Variants in C7orf78 observed in about 807,000 individuals in gnomAD.
C7orf78 encodes the protein chromosome 7 open reading frame 78.
At chr7:12,507,981 T>A in the C7orf78 span, among the ~76,000 whole-genome samples, 1 of 152,188 alleles carries the variant, frequency 6.6e-6, no homozygotes. Context: ...AAGTACTCAC[T>A]CTCTTCTTTT....
At chr7:12,517,094 C>T in the C7orf78 span, among the ~76,000 whole-genome samples, 11 of 152,012 alleles carry the variant, frequency 7.2e-5, no homozygotes, top group African/African-American at 2.7e-4. Context: ...ACCCAAATCT[C>T]ATCTTGAATT....
At chr7:12,538,037 C>A in the C7orf78 span, among the ~76,000 whole-genome samples, 1 of 152,288 alleles carries the variant, frequency 6.6e-6, no homozygotes, top group African/African-American at 2.4e-5. Flanking sequence ...CAATAACCTT[C>A]TGGGTCCCAG....
At chr7:12,489,187 AC>A in the C7orf78 span, among the ~76,000 whole-genome samples, 1 of 152,008 alleles carries the variant, frequency 6.6e-6, no homozygotes, top group African/African-American at 2.4e-5. Flanking sequence ...GAAAAAGATT[AC>A]CCCAATAGTC....
the C7orf78 span, among the ~76,000 whole-genome samples, chr7:12,512,809 A>G: frequency 6.6e-6 from 1 of 151,962 alleles, no homozygotes; most frequent in South Asian, 2.1e-4. Context: ...CAGTCTTTGT[A>G]TTTTCTTTGC....
At chr7:12,497,893 G>C in the C7orf78 span, among the ~76,000 whole-genome samples, 2 of 150,522 alleles carry the variant, frequency 1.3e-5, no homozygotes, top group African/African-American at 4.9e-5. Context: ...ATCTGAGAAC[G>C]GGCAGACTGC....
the C7orf78 span, among the ~76,000 whole-genome samples, chr7:12,521,099 T>C: frequency 6.6e-6 from 1 of 152,146 alleles, no homozygotes; most frequent in African/African-American, 2.4e-5. Context: ...TTTCAGTCTA[T>C]GTGTGTCTTT....
the C7orf78 span, among the ~76,000 whole-genome samples, chr7:12,539,851 T>A: frequency 6.6e-6 from 1 of 152,296 alleles, no homozygotes; most frequent in South Asian, 2.1e-4. Flanking sequence ...GAGGCAAGGA[T>A]GCAATCATGA....
At chr7:12,537,747 A>G in the C7orf78 span, among the ~76,000 whole-genome samples, 1 of 152,196 alleles carries the variant, frequency 6.6e-6, no homozygotes, top group Non-Finnish European at 1.5e-5. Context: ...AATAAATAAT[A>G]GAATGTATAC....
the C7orf78 span, among the ~76,000 whole-genome samples, chr7:12,534,796 T>G: frequency 6.6e-6 from 1 of 151,960 alleles, no homozygotes; most frequent in Admixed American, 6.6e-5. Context: ...CTACAAAACA[T>G]TTAAAAAATT....
At chr7:12,494,762 C>T in the C7orf78 span, among the ~76,000 whole-genome samples, 8 of 152,250 alleles carry the variant, frequency 5.3e-5, no homozygotes, top group Admixed American at 3.3e-4. Context: ...TGAGAGCTCA[C>T]CTTTGGCTGC....
the C7orf78 span, chr7:12,531,019 A>G: frequency 2.5e-6 from 1 of 398,470 alleles, no homozygotes; most frequent in Non-Finnish European, 4.4e-6. Context: ...TCAGAGACAT[A>G]GAAGGCAGCG....
chr7:12,514,538 T>G, the C7orf78 span, among the ~76,000 whole-genome samples: 2 of 152,144 alleles, frequency 1.3e-5, no homozygotes, highest in African/African-American at 4.8e-5. Flanking sequence ...TCATTTACTT[T>G]CAAGGTTATT....
the C7orf78 span, among the ~76,000 whole-genome samples, chr7:12,511,310 G>C: frequency 6.6e-6 from 1 of 152,098 alleles, no homozygotes; most frequent in African/African-American, 2.4e-5. Context: ...TTTGAAGATA[G>C]GTAGTGTGAT....
the C7orf78 span, among the ~76,000 whole-genome samples, chr7:12,495,954 C>G: frequency 6.6e-6 from 1 of 150,816 alleles, no homozygotes; most frequent in Non-Finnish European, 1.5e-5. Flanking sequence ...GAGACGGAGT[C>G]TCACTCTTTC....
chr7:12,507,769 T>G, the C7orf78 span, among the ~76,000 whole-genome samples: 1 of 152,228 alleles, frequency 6.6e-6, no homozygotes, highest in Non-Finnish European at 1.5e-5. Flanking sequence ...GTATTTTTAA[T>G]TAGTGCATGT....
the C7orf78 span, among the ~76,000 whole-genome samples, chr7:12,528,470 CTT>C: frequency 3.3e-4 from 47 of 143,726 alleles, 1 homozygote; most frequent in East Asian, 8.6e-3. Flanking sequence ...GTGTCACTCA[CTT>C]TGGTAGAAAA....
chr7:12,514,325 A>G, the C7orf78 span, among the ~76,000 whole-genome samples: 1 of 151,672 alleles, frequency 6.6e-6, no homozygotes. Context: ...TTTTATTTTT[A>G]CTGTTTTTAA....
the C7orf78 span, chr7:12,483,876 C>T: frequency 5.2e-5 from 1 of 19,130 alleles, no homozygotes; most frequent in African/African-American, 2.2e-4. Flanking sequence ...AAAACTCCAT[C>T]TCAAAAAAAA....
the C7orf78 span, among the ~76,000 whole-genome samples, chr7:12,512,048 T>C: frequency 2.0e-5 from 3 of 151,004 alleles, no homozygotes; most frequent in South Asian, 4.2e-4. Context: ...GTGCTGGGAT[T>C]ACAGGCGTGA....
Sources: gnomAD v4.1 joint callset for allele counts (sites outside exome capture counted in the v4.1 genomes callset) on GRCh38, gnomAD v4.1.1 for gene constraint, MANE v1.5 for transcripts, NCBI Gene and HGNC (gene_info 2026-07-23, HGNC 2026-07-21) for gene names.